Variants in NXN observed in about 807,000 individuals in gnomAD.
NXN encodes the protein nucleoredoxin.
A neutral mutation model predicts 48.6 loss-of-function variants in NXN; 16 were observed. That is an observed-to-expected ratio of 0.33 (90% CI 0.22 to 0.50). The LOEUF (loss-of-function observed/expected upper bound fraction) is 0.50, where lower values mean the gene tolerates loss of function less well. NXN is among the 20% of genes least tolerant of loss of function. The pLI is 0.98. For synonymous variants in NXN, 281 were observed against 269.6 expected (o/e 1.04, Z -0.41); for missense variants, 492 against 605.5 (o/e 0.81, Z 1.97).
At chr17:878,160 T>C in intron 1 of NXN, 1 of 151,430 alleles carries the variant, frequency 6.6e-6, no homozygotes, top group Non-Finnish European at 1.5e-5. Flanking sequence ...TGAGAGGAGG[T>C]AACATGCTGA....
chr17:838,079 T>A (rs1197662235), intron 1 of NXN, among the ~76,000 whole-genome samples: 1 of 151,922 alleles, frequency 6.6e-6, no homozygotes, highest in African/African-American at 2.4e-5. Flanking sequence ...ATTTAAAATC[T>A]ATTTTTCATC....
chr17:928,920 C>A (rs2068827106), intron 1 of NXN, among the ~76,000 whole-genome samples: 1 of 152,178 alleles, frequency 6.6e-6, no homozygotes, highest in Non-Finnish European at 1.5e-5. Flanking sequence ...GAGCAAATGG[C>A]CTAAACGCGT....
chr17:953,780 T>C (rs537391476), intron 1 of NXN, among the ~76,000 whole-genome samples: 77 of 150,804 alleles, frequency 5.1e-4, no homozygotes, highest in Non-Finnish European at 1.0e-3. Flanking sequence ...CTAACAAAAA[T>C]TTAAAAATTA....
At chr17:915,227 C>T (rs1327507182) in intron 1 of NXN, among the ~76,000 whole-genome samples, 2 of 152,174 alleles carry the variant, frequency 1.3e-5, no homozygotes, top group Non-Finnish European at 2.9e-5. Flanking sequence ...AGCCACTGCA[C>T]CCGGCCAGTT....
intron 5 of NXN, among the ~76,000 whole-genome samples, chr17:811,328 G>A (rs1315784587): frequency 6.6e-6 from 1 of 152,264 alleles, no homozygotes; most frequent in Admixed American, 6.5e-5. Flanking sequence ...TGGCCTAAGA[G>A]AGAAGGGGCT....
At chr17:842,990 G>GAGAA (rs1166218565) in intron 1 of NXN, among the ~76,000 whole-genome samples, 1 of 106,722 alleles carries the variant, frequency 9.4e-6, no homozygotes, top group East Asian at 2.8e-4. Flanking sequence ...GAGAGAAAGA[G>GAGAA]AGAAAGAGAG....
intron 1 of NXN, among the ~76,000 whole-genome samples, chr17:912,455 C>T (rs1327546523): frequency 3.3e-5 from 5 of 152,042 alleles, no homozygotes; most frequent in Non-Finnish European, 5.9e-5. Flanking sequence ...CCCAACCACG[C>T]GGGAGAGACC....
At chr17:841,538 ATCTCAC>A (rs2144711780) in intron 1 of NXN, among the ~76,000 whole-genome samples, 5 of 92,068 alleles carry the variant, frequency 5.4e-5, no homozygotes, top group South Asian at 3.8e-4. Flanking sequence ...ACCATGGAGC[ATCTCAC>A]GCCGGCGAGC....
At chr17:929,596 A>G (rs1488107513) in intron 1 of NXN, 3 of 152,230 alleles carry the variant, frequency 2.0e-5, no homozygotes, top group Admixed American at 2.0e-4. Context: ...GCTAACAGGA[A>G]CTAAAACCGG....
chr17:876,324 A>T (rs187903409), intron 1 of NXN, among the ~76,000 whole-genome samples: 1 of 152,254 alleles, frequency 6.6e-6, no homozygotes, highest in East Asian at 1.9e-4. Context: ...ATACTAAGAC[A>T]CTCAATCTCA....
At chr17:966,596 T>C (rs1309914117) in intron 1 of NXN, among the ~76,000 whole-genome samples, 1 of 151,416 alleles carries the variant, frequency 6.6e-6, no homozygotes, top group Non-Finnish European at 1.5e-5. Context: ...ATCCGTCGAC[T>C]TCAGCCTCCC....
chr17:867,720 G>T lies in NXN; in HGVS notation c.361-41642C>A, dbSNP rs143017403. On this transcript the variant is annotated intron_variant, in intron 1 of 7. Transcript: ENST00000336868. ...GCAGGTGGAACACCTGAGGTCAGGA[G>T]TTCGAGACCAGCCTGGCCAACATGG... Among the ~76,000 whole-genome samples, 969 of 152,228 alleles carry T rather than the reference G, an allele frequency of 6.4e-3. 4 individuals are homozygous for T. The highest frequency in any genetic ancestry group is 0.01 in the Non-Finnish European group (699 of 68,008).
At chr17:957,563 T>C (rs192872297) in intron 1 of NXN, among the ~76,000 whole-genome samples, 199 of 149,362 alleles carry the variant, frequency 1.3e-3, no homozygotes, top group African/African-American at 4.2e-3. Flanking sequence ...ACACGGGAGG[T>C]GTAGGTTGCA....
intron 1 of NXN, among the ~76,000 whole-genome samples, chr17:870,404 G>A (rs978879368): frequency 1.3e-5 from 2 of 150,276 alleles, no homozygotes; most frequent in African/African-American, 4.8e-5. Flanking sequence ...TGATCAGAGT[G>A]AGGCGGCCTA....
intron 1 of NXN, among the ~76,000 whole-genome samples, chr17:974,243 C>G (rs1377940757): frequency 7.3e-5 from 11 of 151,620 alleles, no homozygotes; most frequent in South Asian, 2.1e-4. Context: ...CCCAGCTACT[C>G]AGGAGGCTGA....
At position 979,331 on chromosome 17, in the gene NXN, C is replaced by G; in HGVS notation, c.348G>C (p.Glu116Asp). 1 of 1,531,896 alleles carries G rather than the reference C, an allele frequency of 6.5e-7. No individual in the cohort carries two copies. Among genetic ancestry groups the G allele is most frequent in the Non-Finnish European group, 8.7e-7 (1 of 1,144,500 alleles). The allele number at this position is 1,531,896 out of a possible 1,614,324, so 94.9% of individuals were successfully genotyped here. ...CCGCGCCGCTCACCTTCCTGTGCTT[C>G]TCCTTGTAGGGCAGCGCCAGCCACG... ...DMPWLALPYKEKHRKLKLWNK... is the reference protein window; with the variant it reads ...DMPWLALPYKDKHRKLKLWNK... Residue 116 changes from glutamate (E) to aspartate (D), a missense_variant, in exon 1 of 8, where the codon GAG becomes GAC. Physicochemically the swap from Glu to Asp is conservative, Grantham distance 45. Coordinates refer to ENST00000336868, the MANE Select transcript of NXN (RefSeq NM_022463.5).
chr17:900,254 G>A (rs981267963), intron 1 of NXN, among the ~76,000 whole-genome samples: 3 of 145,338 alleles, frequency 2.1e-5, no homozygotes, highest in Non-Finnish European at 3.0e-5. Flanking sequence ...CAACAAGACC[G>A]AAACTCCGTC....
chr17:852,545 A>G (rs1037972617), intron 1 of NXN, among the ~76,000 whole-genome samples: 4 of 152,072 alleles, frequency 2.6e-5, no homozygotes, highest in Non-Finnish European at 4.4e-5. Context: ...AAAACCCAAC[A>G]CTTCCTTTCC....
At chr17:884,672 C>A (rs530181717) in intron 1 of NXN, among the ~76,000 whole-genome samples, 1 of 152,252 alleles carries the variant, frequency 6.6e-6, no homozygotes, top group South Asian at 2.1e-4. Flanking sequence ...CTTCTGGACC[C>A]TGGTTTGCTT....
Sources: gnomAD v4.1 joint callset for allele counts (sites outside exome capture counted in the v4.1 genomes callset) on GRCh38, gnomAD v4.1.1 for gene constraint, MANE v1.5 for transcripts, NCBI Gene and HGNC (gene_info 2026-07-23, HGNC 2026-07-21) for gene names.